The following EPHA5 variants were observed in gnomAD, a reference collection of about 807,000 sequenced individuals.
The protein encoded by EPHA5 is EPH receptor A5.
In EPHA5, 60 loss-of-function variants were observed where a neutral mutation model predicts 105.0. The ratio of observed to expected loss-of-function variants is 0.57; its 90% CI spans 0.46 to 0.71. EPHA5 has a LOEUF of 0.71. Among genes scored for constraint, EPHA5 ranks in the 30% least tolerant of loss-of-function variants. The probability of loss-of-function intolerance (pLI) is 0.00; values close to 1 mark genes in which losing one functional copy is unlikely to be tolerated. For missense variants in EPHA5, 1,218 were observed against 1,274.7 expected, an observed-to-expected ratio of 0.96 and a Z score of 0.68; for synonymous variants, 513 against 449.1, an observed-to-expected ratio of 1.14 and a Z score of -1.80.
chr4:65,573,821 G>A, intron 3 of EPHA5: 3 of 1,613,676 alleles, frequency 1.9e-6, no homozygotes, highest in Non-Finnish European at 2.5e-6. Flanking sequence ...CTGAAGATGT[G>A]CCTCGAAAGC....
intron 8 of EPHA5, among the ~76,000 whole-genome samples, chr4:65,391,933 G>A (rs1265935056): frequency 6.6e-6 from 1 of 152,072 alleles, no homozygotes; most frequent in Non-Finnish European, 1.5e-5. Flanking sequence ...CATAAACTGA[G>A]TTTTTCTTTC....
At chr4:65,368,364 T>G (rs1018579966) in intron 8 of EPHA5, among the ~76,000 whole-genome samples, 1 of 152,188 alleles carries the variant, frequency 6.6e-6, no homozygotes, top group Admixed American at 6.6e-5. Context: ...TCAATGGACC[T>G]GAAAATGAAA....
intron 11 of EPHA5, among the ~76,000 whole-genome samples, chr4:65,363,157 G>A (rs1717500401): frequency 6.6e-6 from 1 of 151,492 alleles, no homozygotes. Context: ...AATGGACTAA[G>A]CATAGAATGG....
chr4:65,424,594 T>C (rs4371663), intron 5 of EPHA5, among the ~76,000 whole-genome samples: 20,410 of 151,930 alleles, frequency 0.13, 1,438 homozygotes, highest in African/African-American at 0.16. Context: ...GTTTAAGAAG[T>C]TTTCAATGAT....
At chr4:65,541,778 C>T (rs1373968046) in intron 3 of EPHA5, among the ~76,000 whole-genome samples, 1 of 152,002 alleles carries the variant, frequency 6.6e-6, no homozygotes, top group Non-Finnish European at 1.5e-5. Context: ...CACCCCAAAG[C>T]AACAGAATAT....
chr4:65,324,223 C>G lies in EPHA5; in HGVS notation c.2946-4G>C, dbSNP rs1719866520. ...CACTCCAAGCCGTCTCAAATCCCTG[C>G]ATGAAGAAAGCACACATTGGATGTA... On this transcript the variant is annotated splice_polypyrimidine_tract_variant and splice_region_variant and intron_variant, in intron 16 of 16. Coordinates refer to ENST00000613740, the MANE Select transcript of EPHA5 (RefSeq NM_001281766.3). 1 of 1,600,858 alleles carries G rather than the reference C, an allele frequency of 6.2e-7. No individual in the cohort carries two copies. Among genetic ancestry groups the G allele is most frequent in the Non-Finnish European group, 8.5e-7 (1 of 1,170,296 alleles).
intron 3 of EPHA5, among the ~76,000 whole-genome samples, chr4:65,560,036 G>T (rs569570717): frequency 1.3e-5 from 2 of 152,172 alleles, no homozygotes; most frequent in South Asian, 4.1e-4. Flanking sequence ...CACAAAAAAA[G>T]GTTGGCAGTT....
At chr4:65,324,681 T>C (rs950335951) in intron 16 of EPHA5, among the ~76,000 whole-genome samples, 3 of 151,094 alleles carry the variant, frequency 2.0e-5, no homozygotes, top group East Asian at 2.0e-4. Context: ...TACAGTAATT[T>C]TATATAACAG....
intron 8 of EPHA5, among the ~76,000 whole-genome samples, chr4:65,390,640 G>A (rs1313769782): frequency 2.0e-5 from 3 of 151,980 alleles, no homozygotes; most frequent in African/African-American, 7.2e-5. Context: ...GCCGAATCTT[G>A]CAAACAGGAA....
At chr4:65,549,881 A>G (rs1737732272) in intron 3 of EPHA5, among the ~76,000 whole-genome samples, 1 of 152,142 alleles carries the variant, frequency 6.6e-6, no homozygotes. Context: ...TGTCCTGCTA[A>G]GATTGATAAT....
intron 2 of EPHA5, among the ~76,000 whole-genome samples, chr4:65,605,715 GA>G (rs550264215): frequency 1.4e-3 from 204 of 148,224 alleles, no homozygotes; most frequent in African/African-American, 1.9e-3. Flanking sequence ...GTAGACATCT[GA>G]AAAAAAAAAT....
At position 65,322,272 on chromosome 4, in the gene EPHA5, G is replaced by C. The variant is rs937566406; in HGVS notation, c.*1842C>G. On this transcript the variant is annotated 3_prime_UTR_variant, in exon 17 of 17. Coordinates refer to ENST00000613740, the MANE Select transcript of EPHA5 (RefSeq NM_001281766.3). ...AGAAAAGAGGTACTTTACTGCTTAA[G>C]TAAAGGGTGGGCAGAATAGGAAGTA... The C allele has an allele frequency of 2.2e-5, 5 of 223,332 alleles. No individual in the cohort carries two copies. Among genetic ancestry groups the C allele is most frequent in the African/African-American group, 1.1e-4 (5 of 44,782 alleles). The allele number at this position is 223,332 out of a possible 1,614,324, so 13.8% of individuals were successfully genotyped here.
chr4:65,559,981 T>G (rs898014323), intron 3 of EPHA5, among the ~76,000 whole-genome samples: 1 of 152,162 alleles, frequency 6.6e-6, no homozygotes, highest in Non-Finnish European at 1.5e-5. Context: ...CATAAGGATA[T>G]TACCTAAATC....
At chr4:65,619,938 A>G (rs1745564865) in intron 2 of EPHA5, among the ~76,000 whole-genome samples, 1 of 151,246 alleles carries the variant, frequency 6.6e-6, no homozygotes, top group Non-Finnish European at 1.5e-5. Flanking sequence ...ATAATATTAT[A>G]AAGTTTCTCC....
chr4:65,404,155 TC>T (rs1303674413), intron 8 of EPHA5, among the ~76,000 whole-genome samples: 1 of 151,990 alleles, frequency 6.6e-6, no homozygotes, highest in Non-Finnish European at 1.5e-5. Flanking sequence ...TCAATACAGC[TC>T]TTGTGAAGAG....
At chr4:65,644,351 T>A (rs1233316545) in intron 1 of EPHA5, among the ~76,000 whole-genome samples, 1 of 152,070 alleles carries the variant, frequency 6.6e-6, no homozygotes, top group African/African-American at 2.4e-5. Flanking sequence ...ATCATTATTT[T>A]TCCAACCTAT....
At chr4:65,490,920 A>G (rs1398296233) in intron 4 of EPHA5, among the ~76,000 whole-genome samples, 1 of 152,204 alleles carries the variant, frequency 6.6e-6, no homozygotes, top group Admixed American at 6.5e-5. Context: ...TTGTTATAAC[A>G]CTAGTTCAGT....
At chr4:65,652,291 G>A (rs1009904227) in intron 1 of EPHA5, among the ~76,000 whole-genome samples, 2 of 152,086 alleles carry the variant, frequency 1.3e-5, no homozygotes, top group Non-Finnish European at 2.9e-5. Context: ...TTAGTTCTAT[G>A]GTTCCAGTTC....
chr4:65,329,866 A>T (rs1720428149), intron 16 of EPHA5, among the ~76,000 whole-genome samples: 1 of 151,094 alleles, frequency 6.6e-6, no homozygotes, highest in Non-Finnish European at 1.5e-5. Context: ...ACTTTTAAAA[A>T]AATTTTTTTG....
Sources: allele counts gnomAD v4.1 joint callset (sites outside exome capture counted in the v4.1 genomes callset), GRCh38; gene constraint gnomAD v4.1.1; transcripts MANE v1.5; gene names NCBI Gene and HGNC (gene_info 2026-07-23, HGNC 2026-07-21).